Variants in WDHD1 observed in about 807,000 individuals in gnomAD.
WDHD1 encodes the protein WD repeat and HMG-box DNA-binding protein 1.
A neutral mutation model predicts 135.4 loss-of-function variants in WDHD1; 111 were observed. The ratio of observed to expected loss-of-function variants is 0.82; its 90% CI spans 0.70 to 0.96. The LOEUF is 0.96. Ranked by LOEUF, WDHD1 falls within the 40% of genes least tolerant of loss-of-function variation. The probability of loss-of-function intolerance (pLI) is 0.00; values close to 1 mark genes in which losing one functional copy is unlikely to be tolerated. For synonymous variants in WDHD1, 434 were observed against 439.0 expected, an observed-to-expected ratio of 0.99 and a Z score of 0.14; for missense variants, 1,351 against 1,336.3, an observed-to-expected ratio of 1.01 and a Z score of -0.17.
At chr14:54,971,356 T>C (rs2041429057) in intron 16 of WDHD1, among the ~76,000 whole-genome samples, 1 of 151,848 alleles carries the variant, frequency 6.6e-6, no homozygotes, top group Admixed American at 6.6e-5. Flanking sequence ...GCAGGAGGAT[T>C]ACTTGAGCCC....
chr14:55,011,442 T>C (rs1036722050), intron 3 of WDHD1, among the ~76,000 whole-genome samples: 31 of 138,564 alleles, frequency 2.2e-4, no homozygotes, highest in Admixed American at 8.4e-4. Context: ...AAGAATCACC[T>C]GAACCCGGGA....
intron 7 of WDHD1, among the ~76,000 whole-genome samples, chr14:55,002,610 C>CT (rs937201618): frequency 6.9e-6 from 1 of 145,636 alleles, no homozygotes; most frequent in African/African-American, 2.5e-5. Context: ...AATATGATTA[C>CT]TTTTTTTTCC....
intron 15 of WDHD1, among the ~76,000 whole-genome samples, chr14:54,983,025 G>A (rs755759447): frequency 5.3e-5 from 8 of 151,988 alleles, no homozygotes; most frequent in Non-Finnish European, 1.0e-4. Flanking sequence ...TTAGCCAGGC[G>A]TGGTGGTATG....
chr14:55,004,611 C>T (rs990796286), intron 7 of WDHD1, among the ~76,000 whole-genome samples: 1 of 152,170 alleles, frequency 6.6e-6, no homozygotes, highest in African/African-American at 2.4e-5. Flanking sequence ...TGCCACCATG[C>T]CCAGCTAATT....
chr14:54,997,231 G>A (rs1464504620), intron 10 of WDHD1, among the ~76,000 whole-genome samples: 2 of 150,870 alleles, frequency 1.3e-5, no homozygotes, highest in Non-Finnish European at 2.9e-5. Context: ...GAGTACCTGG[G>A]TTTACAGGCC....
rs116076641 is a variant in WDHD1 at position 54,993,829 on chromosome 14, T to A, written c.1153+1774A>T. ...TTATTTTTAAGTGAATAAATATTTT[T>A]AAATTTCTGAATTTTAATTTCTAAT... On this transcript the variant is annotated intron_variant, in intron 11 of 25. Transcript: ENST00000360586. Among the ~76,000 whole-genome samples, 813 of 152,318 alleles carry A rather than the reference T, an allele frequency of 5.3e-3. 10 individuals carry two copies. The highest frequency in any genetic ancestry group is 0.018 in the African/African-American group (768 of 41,576).
intron 2 of WDHD1, among the ~76,000 whole-genome samples, chr14:55,021,814 T>C (rs1270239132): frequency 6.6e-6 from 1 of 152,254 alleles, no homozygotes; most frequent in African/African-American, 2.4e-5. Context: ...TCTTAAGTCA[T>C]GCACAACGTC....
At chr14:54,948,487 G>C (rs895828247) in intron 24 of WDHD1, among the ~76,000 whole-genome samples, 14 of 151,764 alleles carry the variant, frequency 9.2e-5, no homozygotes, top group African/African-American at 3.1e-4. Flanking sequence ...ACTACAAGGC[G>C]GCAGCCTCAG....
In WDHD1 at chr14:54,995,585, A is replaced by G; in HGVS notation, c.1153+18T>C. Reference sequence around the variant, plus strand: ...ATTAATCAACAGGGTAATCACATGCACAAAGTCAAATTCTTACCAACTGAG... The same window carrying G: ...ATTAATCAACAGGGTAATCACATGCGCAAAGTCAAATTCTTACCAACTGAG... On this transcript the variant is annotated intron_variant, in intron 11 of 25. Coordinates refer to ENST00000360586, the MANE Select transcript of WDHD1 (RefSeq NM_007086.4). The G allele has an allele frequency of 6.4e-7, 1 of 1,564,216 alleles. No individual in the cohort carries two copies. The highest frequency in any genetic ancestry group is 8.7e-7 in the Non-Finnish European group (1 of 1,155,354).
At position 54,939,670 on chromosome 14, in the gene WDHD1, T is replaced by A. The variant is rs1297562422; in HGVS notation, c.*1820A>T. On this transcript the variant is annotated 3_prime_UTR_variant, in exon 26 of 26. Coordinates refer to ENST00000360586, the MANE Select transcript of WDHD1 (RefSeq NM_007086.4). ...GGATAATGTTTCTTGGTTTCAAAGT[T>A]CTGATTTGTAAGTTAAACCAAGTCA... 1 of 151,714 alleles carries A rather than the reference T, an allele frequency of 6.6e-6. No homozygotes were observed. Among genetic ancestry groups the A allele is most frequent in the African/African-American group, 2.4e-5 (1 of 41,338 alleles). 9.4% of individuals were successfully genotyped at this position (151,714 alleles called of 1,614,324 possible). A position where few individuals can be genotyped will look rare whatever the true frequency, so the allele number is the denominator to read the frequency against.
intron 21 of WDHD1, among the ~76,000 whole-genome samples, chr14:54,961,774 C>T (rs1174408185): frequency 6.6e-6 from 1 of 152,038 alleles, no homozygotes; most frequent in Non-Finnish European, 1.5e-5. Context: ...AAAGGGCCAG[C>T]AGTGCCTTAC....
rs764606339 is a variant in WDHD1, at chr14:54,966,652, A to G, written c.2179-46T>C. On this transcript the variant is annotated intron_variant, in intron 17 of 25. Transcript: ENST00000360586. The stretch of plus-strand genomic sequence containing the variant: ...GCTTAAGGCCAACTATCACCTTAAT[A>G]TGAGGCAAGCGTTAAATATTTATCT... 7.7e-6 allele frequency: 12 copies of G among 1,558,060 alleles called. No homozygotes were observed. The Admixed American group carries it at 2.3e-4, about 30-fold the overall frequency.
At position 54,963,180 on chromosome 14, in the gene WDHD1, A is replaced by C; in HGVS notation, c.2311-8T>G. 1 of 257,138 alleles carries C rather than the reference A, an allele frequency of 3.9e-6. No homozygotes were observed. The highest frequency in any genetic ancestry group is 2.8e-5 in the South Asian group (1 of 36,136). 15.9% of individuals were successfully genotyped at this position (257,138 alleles called of 1,614,324 possible). A position where few individuals can be genotyped will look rare whatever the true frequency, so the allele number is the denominator to read the frequency against. On this transcript the variant is annotated splice_polypyrimidine_tract_variant and splice_region_variant and intron_variant, in intron 18 of 25. Transcript: ENST00000360586. The stretch of plus-strand genomic sequence containing the variant: ...CTCCAGTTTACAAGAAAGCTAATCC[A>C]AAAAGGGGGGGGGGGGGGAGATCAA...
At chr14:55,021,516 T>C (rs1187883) in intron 2 of WDHD1, among the ~76,000 whole-genome samples, 74,895 of 151,738 alleles carry the variant, frequency 0.49, 20,096 homozygotes, top group East Asian at 0.79. Flanking sequence ...AGGTGGAGTG[T>C]GGGATTACAG....
chr14:55,011,758 A>G (rs1312546892), intron 3 of WDHD1, among the ~76,000 whole-genome samples: 2 of 151,770 alleles, frequency 1.3e-5, no homozygotes, highest in African/African-American at 2.4e-5. Context: ...TTTTCAACTT[A>G]TTATAAATAT....
rs1361008231 is a variant in WDHD1 at position 54,962,843 on chromosome 14, T to C, written c.2542A>G (p.Thr848Ala). Residue 848 changes from threonine to alanine, a missense_variant, in exon 20 of 26, where the codon ACT becomes GCT. Thr to Ala is a moderately conservative substitution (Grantham distance 58). Transcript: ENST00000360586. ...RKKLNAGYSN[T>A]ATEWSQPRFR... is the part of the protein sequence containing the mutation. The stretch of plus-strand genomic sequence containing the variant: ...CTTGGTTGGCTCCACTCTGTAGCAG[T>C]ATTGCTGTAACTAAGAGAAAATAAT... 1.9e-6 allele frequency: 3 copies of C among 1,612,432 alleles called. No homozygotes were observed. The Admixed American group carries it at 5.0e-5, about 27-fold the overall frequency.
In WDHD1 at chr14:54,987,352, G is replaced by A. The variant is rs1310493128; in HGVS notation, c.1562C>T (p.Ser521Leu). 6.2e-7 allele frequency: 1 copy of A among 1,613,690 alleles called. No homozygotes were observed. The highest frequency in any genetic ancestry group is 1.1e-5 in the South Asian group (1 of 91,034). Residue 521 changes from serine (S) to leucine (L), a missense_variant, in exon 14 of 26, where the codon TCA becomes TTA. Ser to Leu is a moderately radical substitution (Grantham distance 145, BLOSUM62 -2). Around this residue, in one of 2 missense-constraint regions of WDHD1, gnomAD observed 1,330 missense variants for 1,296.1 expected, o/e 1.03. Coordinates refer to ENST00000360586, the MANE Select transcript of WDHD1 (RefSeq NM_007086.4). ...LHCLHFSSWD[S>L]SKEWIIDLPQ... Reference sequence around the variant, plus strand: ...CAAGTCTATTATCCACTCTTTGCTTGAATCCCAAGAACTAAAGTGCAGGCA... The same window carrying A: ...CAAGTCTATTATCCACTCTTTGCTTAAATCCCAAGAACTAAAGTGCAGGCA...
chr14:55,005,464 A>G, intron 7 of WDHD1: 1 of 566,784 alleles, frequency 1.8e-6, no homozygotes, highest in Admixed American at 1.9e-5. Flanking sequence ...ATGATATGAC[A>G]CTGACATTGA....
intron 10 of WDHD1, among the ~76,000 whole-genome samples, chr14:54,999,490 T>C (rs897246561): frequency 3.3e-5 from 5 of 152,234 alleles, no homozygotes; most frequent in Admixed American, 1.3e-4. Flanking sequence ...GGGGATTCAG[T>C]GAGGCAAACT....
Sources: gnomAD v4.1 joint callset for allele counts (sites outside exome capture counted in the v4.1 genomes callset) on GRCh38, gnomAD v4.1.1 for gene constraint, gnomAD v4.1.1 regional missense constraint, MANE v1.5 for transcripts, NCBI Gene and HGNC (gene_info 2026-07-23, HGNC 2026-07-21) for gene names.